Variants in RERE observed in about 807,000 individuals in gnomAD.
The protein encoded by RERE is arginine-glutamic acid dipeptide repeats protein.
A neutral mutation model predicts 146.1 loss-of-function variants in RERE; 40 were observed. The observed-to-expected ratio is 0.27, with a 90% CI of 0.21 to 0.36. RERE has a LOEUF of 0.36. RERE is among the 10% of genes least tolerant of loss of function. The pLI, the probability that RERE is intolerant of heterozygous loss-of-function variation, is 1.00. For synonymous variants in RERE, 1,003 were observed against 866.0 expected, an observed-to-expected ratio of 1.16 and a Z score of -2.78; for missense variants, 1,933 against 2,138.7, an observed-to-expected ratio of 0.90 and a Z score of 1.90.
At chr1:8,555,656 G>C (rs1645998726) in intron 6 of RERE, among the ~76,000 whole-genome samples, 1 of 152,076 alleles carries the variant, frequency 6.6e-6, no homozygotes, top group African/African-American at 2.4e-5. Context: ...GTGAGGAAAG[G>C]GTTTTAAGAA....
At chr1:8,670,102 G>A (rs1448347566) in intron 1 of RERE, among the ~76,000 whole-genome samples, 2 of 152,162 alleles carry the variant, frequency 1.3e-5, no homozygotes, top group East Asian at 3.8e-4. Context: ...TGTTTTCTAT[G>A]TCTGAGCCAT....
rs145670197 is a variant in RERE at position 8,520,754 on chromosome 1, T to TAAAA, written c.831-12083_831-12080dup. Among the ~76,000 whole-genome samples the TAAAA allele has an allele frequency of 2.1e-3, 192 of 92,944 alleles. 1 individual carries two copies. The highest frequency in any genetic ancestry group is 3.6e-3 in the Admixed American group (23 of 6,364). 61.0% of individuals were successfully genotyped at this position (92,944 alleles called of 152,430 possible). On this transcript the variant is annotated intron_variant, in intron 7 of 22. Coordinates refer to ENST00000400908, the MANE Select transcript of RERE (RefSeq NM_001042681.2). ...ATGGAGATTCAGCCAAAAAACTTTT[T>TAAAA]AAAAAAAAAAAAAAAAAAAAAACCA...
intron 11 of RERE, 23 bp from the exon 12 acceptor site, chr1:8,422,830 G>C: frequency 1.3e-6 from 2 of 1,589,602 alleles, no homozygotes; most frequent in Non-Finnish European, 1.7e-6. Context: ...GAAACAAATG[G>C]GATGTAAAAA....
At chr1:8,624,909 A>G (rs1032169144) in intron 2 of RERE, among the ~76,000 whole-genome samples, 5 of 152,346 alleles carry the variant, frequency 3.3e-5, no homozygotes, top group African/African-American at 1.2e-4. Context: ...AAAGAAAACT[A>G]ATCTCTTACA....
intron 4 of RERE, among the ~76,000 whole-genome samples, chr1:8,557,770 C>A (rs1389176031): frequency 6.6e-6 from 1 of 152,180 alleles, no homozygotes; most frequent in Non-Finnish European, 1.5e-5. Flanking sequence ...AAAAGGAGAC[C>A]AGTCTTGAAT....
At chr1:8,662,094 G>C (rs1361121315) in intron 1 of RERE, among the ~76,000 whole-genome samples, 1 of 152,132 alleles carries the variant, frequency 6.6e-6, no homozygotes, top group Non-Finnish European at 1.5e-5. Flanking sequence ...AGTTGCCAAA[G>C]CTCAAAAAAT....
chr1:8,388,519 C>T (rs1166921505), intron 12 of RERE, among the ~76,000 whole-genome samples: 2 of 152,002 alleles, frequency 1.3e-5, no homozygotes, highest in African/African-American at 4.8e-5. Flanking sequence ...CGGGGTTTCA[C>T]CTTGTTAGCC....
chr1:8,765,429 T>C (rs770913502), intron 1 of RERE, among the ~76,000 whole-genome samples: 5 of 152,222 alleles, frequency 3.3e-5, no homozygotes, highest in Non-Finnish European at 7.3e-5. Context: ...CAGTGATGAT[T>C]GCACAACTCT....
intron 1 of RERE, among the ~76,000 whole-genome samples, chr1:8,688,298 G>C (rs1159504124): frequency 3.3e-5 from 5 of 152,170 alleles, no homozygotes; most frequent in Non-Finnish European, 7.3e-5. Flanking sequence ...AGGCATGGTG[G>C]CTCATGCCTG....
At position 8,554,678 on chromosome 1, in the gene RERE, C is replaced by CAAAA. The variant is rs386366172; in HGVS notation, c.725+1793_725+1796dup. Among the ~76,000 whole-genome samples the CAAAA allele has an allele frequency of 1.1e-3, 115 of 100,714 alleles. 5 individuals are homozygous for CAAAA. The highest frequency in any genetic ancestry group is 2.9e-3 in the African/African-American group (78 of 26,462). The allele number at this position is 100,714 out of a possible 152,430, so 66.1% of individuals were successfully genotyped here. ...TGGACAACAGAGCGAGATCCTGTCT[C>CAAAA]AAAAAAAAAAAAAAAAAAAAGACAA... is the stretch of plus-strand genomic sequence containing the variant. On this transcript the variant is annotated intron_variant, in intron 6 of 22. Transcript: ENST00000400908.
At chr1:8,505,554 T>A (rs1005074942) in intron 8 of RERE, among the ~76,000 whole-genome samples, 2 of 152,256 alleles carry the variant, frequency 1.3e-5, no homozygotes, top group Non-Finnish European at 2.9e-5. Flanking sequence ...TTTTTTTTTT[T>A]AAAGACTGGT....
chr1:8,683,370 T>A (rs935723126), intron 1 of RERE, among the ~76,000 whole-genome samples: 5 of 152,084 alleles, frequency 3.3e-5, no homozygotes, highest in Admixed American at 3.3e-4. Flanking sequence ...CACCACTTAG[T>A]AGAATCTAAT....
intron 1 of RERE, among the ~76,000 whole-genome samples, chr1:8,815,311 T>C (rs1279311270): frequency 6.6e-6 from 1 of 152,330 alleles, no homozygotes; most frequent in Non-Finnish European, 1.5e-5. Context: ...GCAAACATCA[T>C]CTTGCTAAAT....
chr1:8,686,885 G>A (rs1364312884), intron 1 of RERE, among the ~76,000 whole-genome samples: 1 of 152,196 alleles, frequency 6.6e-6, no homozygotes, highest in Admixed American at 6.5e-5. Flanking sequence ...GGGACGGTGA[G>A]CTACAGATAT....
Position 8,421,337 on chromosome 1 carries a change from T to C in RERE, c.1284+1390A>G, listed in dbSNP as rs1643906611. On this transcript the variant is annotated intron_variant, in intron 12 of 22. Transcript: ENST00000400908. Reference sequence around the variant, plus strand: ...CAAGTCACTGAAATCCCCAGAAAACTTAAAATATGTATCTCAATATTCCAT... The same window carrying C: ...CAAGTCACTGAAATCCCCAGAAAACCTAAAATATGTATCTCAATATTCCAT... Among the ~76,000 whole-genome samples the C allele has an allele frequency of 4.6e-5, 7 of 152,292 alleles. 1 individual carries two copies. In the South Asian group the frequency reaches 1.4e-3, roughly 32 times the overall value.
chr1:8,655,121 C>T (rs1638239653), intron 2 of RERE, among the ~76,000 whole-genome samples: 1 of 151,940 alleles, frequency 6.6e-6, no homozygotes, highest in African/African-American at 2.4e-5. Context: ...GGTTAGATGA[C>T]TACTTCTATT....
intron 1 of RERE, among the ~76,000 whole-genome samples, chr1:8,717,592 A>G (rs1639788938): frequency 6.6e-6 from 1 of 152,246 alleles, no homozygotes; most frequent in African/African-American, 2.4e-5. Flanking sequence ...TGACTCAAAC[A>G]GAGGCATCAT....
At chr1:8,739,098 T>G (rs1490151354) in intron 1 of RERE, among the ~76,000 whole-genome samples, 1 of 152,172 alleles carries the variant, frequency 6.6e-6, no homozygotes, top group Non-Finnish European at 1.5e-5. Flanking sequence ...AGATAAAAAA[T>G]CATTAACTAT....
At chr1:8,430,020 G>A (rs918591143) in intron 11 of RERE, 2 of 152,180 alleles carry the variant, frequency 1.3e-5, no homozygotes, top group African/African-American at 4.8e-5. Flanking sequence ...CCAGGCAGAA[G>A]AAATAAAAGC....
Sources: gnomAD v4.1 joint callset for allele counts (sites outside exome capture counted in the v4.1 genomes callset) on GRCh38, gnomAD v4.1.1 for gene constraint, MANE v1.5 for transcripts, NCBI Gene and HGNC (gene_info 2026-07-23, HGNC 2026-07-21) for gene names.